Variants in TMEM132C observed in about 807,000 individuals in gnomAD.
TMEM132C encodes protein phosphatase 1, regulatory subunit 152.
In TMEM132C, 29 loss-of-function variants were observed where a neutral mutation model predicts 61.4. That is an observed-to-expected ratio of 0.47 (90% CI 0.35 to 0.64). The LOEUF (loss-of-function observed/expected upper bound fraction) is 0.64. TMEM132C is among the 30% of genes least tolerant of loss of function. TMEM132C has a pLI of 0.00. For synonymous variants in TMEM132C, 656 were observed against 633.1 expected, an observed-to-expected ratio of 1.04 and a Z score of -0.54; for missense variants, 1,408 against 1,476.9, an observed-to-expected ratio of 0.95 and a Z score of 0.76.
intron 1 of TMEM132C, among the ~76,000 whole-genome samples, chr12:128,379,074 A>G (rs937178518): frequency 3.3e-5 from 5 of 152,178 alleles, no homozygotes; most frequent in African/African-American, 1.2e-4. Context: ...TAAATGGCCC[A>G]GTCTTTGGTT....
At chr12:128,360,597 A>C (rs763168781) in intron 1 of TMEM132C, among the ~76,000 whole-genome samples, 2 of 152,108 alleles carry the variant, frequency 1.3e-5, no homozygotes, top group Non-Finnish European at 2.9e-5. Context: ...GACCCTACCC[A>C]TCATTCCGAG....
intron 3 of TMEM132C, among the ~76,000 whole-genome samples, chr12:128,583,784 C>A (rs897812745): frequency 1.8e-4 from 28 of 152,224 alleles, no homozygotes; most frequent in African/African-American, 6.8e-4. Context: ...CCAGCGAGGG[C>A]TGAAGAAGCT....
chr12:128,633,395 T>C (rs1954077927), intron 4 of TMEM132C, among the ~76,000 whole-genome samples: 1 of 152,186 alleles, frequency 6.6e-6, no homozygotes, highest in African/African-American at 2.4e-5. Flanking sequence ...CAAAATGCTA[T>C]AATGTTATTT....
intron 2 of TMEM132C, among the ~76,000 whole-genome samples, chr12:128,494,266 G>T (rs1425485507): frequency 6.6e-6 from 1 of 152,130 alleles, no homozygotes; most frequent in African/African-American, 2.4e-5. Flanking sequence ...ATTTTATTGA[G>T]AATTTTTGCA....
intron 2 of TMEM132C, among the ~76,000 whole-genome samples, chr12:128,439,435 A>T (rs942951888): frequency 6.6e-6 from 1 of 152,064 alleles, no homozygotes; most frequent in Admixed American, 6.5e-5. Flanking sequence ...AATTATGGAG[A>T]TATGGGGGAG....
In TMEM132C at chr12:128,363,432, C is replaced by T. The variant is rs375964661; in HGVS notation, c.86-51300C>T. The stretch of plus-strand genomic sequence containing the variant: ...CCTGCACAATCTATGTAACCGGCTT[C>T]AGTAAGGTGCCAGTGTTGTTCCAGG... On this transcript the variant is annotated intron_variant, in intron 1 of 8. Coordinates refer to ENST00000435159, the MANE Select transcript of TMEM132C (RefSeq NM_001136103.3). 1.8e-4 allele frequency among the ~76,000 whole-genome samples: 28 copies of T among 152,274 alleles called. No individual in the cohort carries two copies. In the East Asian group the frequency reaches 4.3e-3, roughly 23 times the overall value.
intron 2 of TMEM132C, among the ~76,000 whole-genome samples, chr12:128,470,686 A>G (rs1021655222): frequency 1.3e-5 from 2 of 152,216 alleles, no homozygotes; most frequent in African/African-American, 2.4e-5. Context: ...CAAATTTACT[A>G]TGCAAGAGGA....
intron 2 of TMEM132C, among the ~76,000 whole-genome samples, chr12:128,464,198 A>G (rs375858161): frequency 3.3e-5 from 5 of 152,298 alleles, no homozygotes; most frequent in African/African-American, 1.2e-4. Context: ...GCCTTGGAGA[A>G]TACCGTTCAT....
intron 2 of TMEM132C, among the ~76,000 whole-genome samples, chr12:128,470,267 T>C (rs893866841): frequency 6.6e-6 from 1 of 152,210 alleles, no homozygotes; most frequent in Non-Finnish European, 1.5e-5. Flanking sequence ...GTCTTGCTTA[T>C]GATGGACGAT....
At chr12:128,295,638 CAA>C (rs59555369) in intron 1 of TMEM132C, among the ~76,000 whole-genome samples, 77,889 of 115,318 alleles carry the variant, frequency 0.68, 24,028 homozygotes, top group Non-Finnish European at 0.75. Context: ...TTAAGTCCTT[CAA>C]AAAAAAAAAA....
intron 3 of TMEM132C, among the ~76,000 whole-genome samples, chr12:128,565,259 C>T (rs1442930716): frequency 6.6e-6 from 1 of 152,218 alleles, no homozygotes; most frequent in Non-Finnish European, 1.5e-5. Flanking sequence ...GAAGCAGATC[C>T]TTCTCCAACT....
At chr12:128,375,082 G>A (rs142955054) in intron 1 of TMEM132C, among the ~76,000 whole-genome samples, 393 of 152,088 alleles carry the variant, frequency 2.6e-3, no homozygotes, top group Non-Finnish European at 3.7e-3. Flanking sequence ...GTTCAGCAGC[G>A]TCCGTGGCCC....
At chr12:128,375,065 A>G (rs370379710) in intron 1 of TMEM132C, among the ~76,000 whole-genome samples, 90 of 151,964 alleles carry the variant, frequency 5.9e-4, no homozygotes, top group African/African-American at 2.0e-3. Flanking sequence ...CCTGTGTACT[A>G]TGCAATGTTC....
At chr12:128,577,569 A>G (rs1482502974) in intron 3 of TMEM132C, among the ~76,000 whole-genome samples, 1 of 152,238 alleles carries the variant, frequency 6.6e-6, no homozygotes, top group African/African-American at 2.4e-5. Context: ...CCAAGCCTTG[A>G]AAATGTTCCT....
chr12:128,537,482 C>T (rs768954863), intron 2 of TMEM132C, among the ~76,000 whole-genome samples: 27 of 152,144 alleles, frequency 1.8e-4, no homozygotes, highest in South Asian at 4.1e-4. Context: ...AGAGAGGGTC[C>T]GTTCCATCTG....
At chr12:128,507,376 GT>G (rs1235940995) in intron 2 of TMEM132C, among the ~76,000 whole-genome samples, 6 of 129,256 alleles carry the variant, frequency 4.6e-5, no homozygotes, top group Admixed American at 7.9e-5. Flanking sequence ...TTGTCCAGGT[GT>G]TTTTTTCTTT....
At chr12:128,375,044 G>T (rs1458372095) in intron 1 of TMEM132C, among the ~76,000 whole-genome samples, 1 of 147,786 alleles carries the variant, frequency 6.8e-6, no homozygotes, top group African/African-American at 2.5e-5. Flanking sequence ...GGTGGGTGGG[G>T]TGGGGGGTAT....
chr12:128,392,625 G>C (rs895065898), intron 1 of TMEM132C, among the ~76,000 whole-genome samples: 3 of 152,158 alleles, frequency 2.0e-5, no homozygotes, highest in African/African-American at 7.2e-5. Context: ...AGGAGGTGGG[G>C]TAGCAAAGAC....
intron 3 of TMEM132C, among the ~76,000 whole-genome samples, chr12:128,554,329 G>A (rs563309787): frequency 3.3e-5 from 5 of 152,176 alleles, no homozygotes; most frequent in Admixed American, 2.0e-4. Flanking sequence ...GAGGGTGGCC[G>A]GCTGCACCCT....
Sources: gnomAD v4.1 joint callset for allele counts (sites outside exome capture counted in the v4.1 genomes callset) on GRCh38, gnomAD v4.1.1 for gene constraint, MANE v1.5 for transcripts, NCBI Gene and HGNC (gene_info 2026-07-23, HGNC 2026-07-21) for gene names.